The following ADD1 variants were observed in gnomAD, a reference collection of about 807,000 sequenced individuals.
ADD1 encodes alpha-adducin.
ADD1 carries 24 observed loss-of-function variants against 80.5 expected under a neutral mutation model. The ratio of observed to expected loss-of-function variants is 0.30; its 90% CI spans 0.22 to 0.42. ADD1 has a LOEUF of 0.42. ADD1 is among the 10% of genes least tolerant of loss of function. The pLI is 1.00. For synonymous variants in ADD1, 373 were observed against 393.8 expected (o/e 0.95, Z 0.63); for missense variants, 948 against 1,019.0 (o/e 0.93, Z 0.95).
intron 14 of ADD1, 145 bp from the exon 15 acceptor site, chr4:2,925,869 C>T (rs980180529): frequency 1.6e-6 from 1 of 638,858 alleles, no homozygotes; most frequent in Non-Finnish European, 2.8e-6. Context: ...TTTATCCTCT[C>T]TTGGAGAGGA....
rs1436373150 is a variant in ADD1 at position 2,926,294 on chromosome 4, AT to A, written c.2047+185del. ...TCCTGGGTAACTCCAGGCAAAACAG[AT>A]TTGTATGTGAGCTGTGACCAGGTAG... On this transcript the variant is annotated intron_variant, in intron 15 of 15. Transcript: ENST00000683351. This position sits in a 1 kb window ranked among gnomAD's most constrained non-coding sequence, Gnocchi z 5.0. 2 of 728,954 alleles carry A rather than the reference AT, an allele frequency of 2.7e-6. No individual in the cohort carries two copies. Among genetic ancestry groups the A allele is most frequent in the African/African-American group, 3.5e-5 (2 of 57,546 alleles). The allele number at this position is 728,954 out of a possible 1,614,324, so 45.2% of individuals were successfully genotyped here. A position where few individuals can be genotyped will look rare whatever the true frequency, so the allele number is the denominator to read the frequency against.
intron 1 of ADD1, among the ~76,000 whole-genome samples, chr4:2,852,648 ATTTTCTGTACTAGGTG>A (rs1397137820): frequency 1.5e-5 from 2 of 133,292 alleles, no homozygotes; most frequent in South Asian, 2.3e-4. Flanking sequence ...AGTGTCTTCT[ATTTTCTGTACTAGGTG>A]TTTTCTGTAC....
chr4:2,873,720 T>C (rs541485756), intron 1 of ADD1, among the ~76,000 whole-genome samples: 1 of 152,358 alleles, frequency 6.6e-6, no homozygotes, highest in African/African-American at 2.4e-5. Flanking sequence ...TGGTCTTTTA[T>C]TGTTTTTGAA....
intron 1 of ADD1, among the ~76,000 whole-genome samples, chr4:2,872,778 T>C (rs1577498877): frequency 6.6e-6 from 1 of 152,160 alleles, no homozygotes; most frequent in African/African-American, 2.4e-5. Flanking sequence ...CTAGACAGCT[T>C]GGAACTCCTG....
Position 2,928,783 on chromosome 4 carries a change from G to A in ADD1, c.*260G>A, listed in dbSNP as rs1448983581. 1 of 477,082 alleles carries A rather than the reference G, an allele frequency of 2.1e-6. No homozygotes were observed. The highest frequency in any genetic ancestry group is 3.7e-6 in the Non-Finnish European group (1 of 272,894). 29.6% of individuals were successfully genotyped at this position (477,082 alleles called of 1,614,324 possible). On this transcript the variant is annotated 3_prime_UTR_variant, in exon 16 of 16. Coordinates refer to ENST00000683351, the MANE Select transcript of ADD1 (RefSeq NM_001354761.2). Reference sequence around the variant, plus strand: ...TCTCCCCACAGGGGGGAGGCACTAAGTCATGGTCCTGGCTGGAAGGTACTG... The same window carrying A: ...TCTCCCCACAGGGGGGAGGCACTAAATCATGGTCCTGGCTGGAAGGTACTG...
intron 9 of ADD1, 137 bp downstream of exon 9, chr4:2,899,572 A>G (rs1479295525): frequency 1.1e-6 from 1 of 930,176 alleles, no homozygotes; most frequent in Admixed American, 2.0e-5. Flanking sequence ...AAGAAGCACT[A>G]GGGTTGTTTA....
rs1007387312 is a variant in ADD1 at position 2,882,131 on chromosome 4, G to A, written c.358+71G>A. ...AAAATTTCCTGAAGATTGCTCATGTGAAATAAGTGGGCATTTAACTGTATA... is the reference window on the plus strand; with the variant it reads ...AAAATTTCCTGAAGATTGCTCATGTAAAATAAGTGGGCATTTAACTGTATA... On this transcript the variant is annotated intron_variant, in intron 3 of 15. Coordinates refer to ENST00000683351, the MANE Select transcript of ADD1 (RefSeq NM_001354761.2). 7 of 1,393,658 alleles carry A rather than the reference G, an allele frequency of 5.0e-6. No homozygotes were observed. The African/African-American group carries it at 1.0e-4, about 20-fold the overall frequency. 86.3% of individuals were successfully genotyped at this position (1,393,658 alleles called of 1,614,324 possible). A position where few individuals can be genotyped will look rare whatever the true frequency, so the allele number is the denominator to read the frequency against.
At chr4:2,850,014 A>G (rs920216301) in intron 1 of ADD1, among the ~76,000 whole-genome samples, 41 of 152,222 alleles carry the variant, frequency 2.7e-4, no homozygotes, top group African/African-American at 9.9e-4. Flanking sequence ...TTGTGTGTGA[A>G]TGTTCAGAGC....
intron 1 of ADD1, among the ~76,000 whole-genome samples, chr4:2,856,712 C>T (rs1020147691): frequency 6.6e-6 from 1 of 150,810 alleles, no homozygotes; most frequent in Non-Finnish European, 1.5e-5. Context: ...TCGTCTCAGC[C>T]TCCAAGTAGC....
intron 1 of ADD1, among the ~76,000 whole-genome samples, chr4:2,869,829 T>C: frequency 6.6e-6 from 1 of 152,204 alleles, no homozygotes; most frequent in Non-Finnish European, 1.5e-5. Context: ...CTTGGTCTCC[T>C]ATTGACAATT....
At chr4:2,916,942 G>A (rs2109143256) in intron 14 of ADD1, among the ~76,000 whole-genome samples, 1 of 152,292 alleles carries the variant, frequency 6.6e-6, no homozygotes, top group Admixed American at 6.5e-5. Flanking sequence ...TCATTGCTGG[G>A]CATTTGAGTT....
intron 1 of ADD1, among the ~76,000 whole-genome samples, chr4:2,857,151 A>T (rs1258651909): frequency 1.3e-5 from 2 of 151,914 alleles, no homozygotes; most frequent in Non-Finnish European, 2.9e-5. Context: ...TGACCTCATG[A>T]TCTGCCTGTC....
intron 14 of ADD1, among the ~76,000 whole-genome samples, chr4:2,924,531 G>A (rs544849221): frequency 6.6e-6 from 1 of 152,324 alleles, no homozygotes; most frequent in Non-Finnish European, 1.5e-5. Flanking sequence ...CCTTGCTGGA[G>A]CCACCTTGTT....
At chr4:2,864,092 A>G (rs1184629555) in intron 1 of ADD1, among the ~76,000 whole-genome samples, 2 of 152,208 alleles carry the variant, frequency 1.3e-5, no homozygotes, top group African/African-American at 4.8e-5. Context: ...AGATCAGGAT[A>G]AGGCTATCCT....
chr4:2,879,113 A>G (rs746010891), intron 2 of ADD1, among the ~76,000 whole-genome samples: 2 of 152,108 alleles, frequency 1.3e-5, no homozygotes, highest in Non-Finnish European at 1.5e-5. Flanking sequence ...GAGGGTCCCA[A>G]ACTGAGGGTA....
At chr4:2,913,737 C>G (rs915584050) in intron 13 of ADD1, among the ~76,000 whole-genome samples, 1 of 152,024 alleles carries the variant, frequency 6.6e-6, no homozygotes, top group Non-Finnish European at 1.5e-5. Context: ...CGAGTCAGCC[C>G]AGCTAGGACG....
intron 6 of ADD1, 38 bp downstream of exon 6, chr4:2,894,769 C>T (rs777701048): frequency 1.9e-6 from 3 of 1,564,328 alleles, no homozygotes; most frequent in Non-Finnish European, 2.6e-6. Flanking sequence ...AGGTCTAAAG[C>T]TGCTGAGTGA....
chr4:2,849,977 A>C (rs752994440), intron 1 of ADD1, among the ~76,000 whole-genome samples: 20 of 152,384 alleles, frequency 1.3e-4, no homozygotes, highest in Middle Eastern at 3.4e-3. Context: ...GCAAAGGCCA[A>C]GTGAAAACAT....
rs189198535 is a variant in ADD1 at position 2,924,631 on chromosome 4, C to T, written c.1949-1383C>T. ...AGGACCTCTTCACCGGTTTTTGTCT[C>T]GTTCTAGACCAGCCACTGCATTACG... On this transcript the variant is annotated intron_variant, in intron 14 of 15. Transcript: ENST00000683351. 1.0e-3 allele frequency among the ~76,000 whole-genome samples: 157 copies of T among 152,314 alleles called. 2 individuals are homozygous for T. Among genetic ancestry groups the T allele is most frequent in the South Asian group, 3.3e-3 (16 of 4,828 alleles).
Sources: gnomAD v4.1 joint callset for allele counts (sites outside exome capture counted in the v4.1 genomes callset) on GRCh38, gnomAD v4.1.1 for gene constraint, Gnocchi (gnomAD v3.1) non-coding constraint, MANE v1.5 for transcripts, NCBI Gene and HGNC (gene_info 2026-07-23, HGNC 2026-07-21) for gene names.